Variants in ALCAM observed in about 807,000 individuals in gnomAD.
ALCAM encodes the protein activated leukocyte cell adhesion molecule.
In ALCAM, 30 loss-of-function variants were observed where a neutral mutation model predicts 70.9. The observed-to-expected ratio is 0.42, with a 90% confidence interval of 0.32 to 0.57. ALCAM has a LOEUF of 0.57. Ranked by LOEUF, ALCAM falls within the 20% of genes least tolerant of loss-of-function variation. The pLI is 0.11. For missense variants in ALCAM, 591 were observed against 695.1 expected (o/e 0.85, Z 1.68); for synonymous variants, 249 against 242.5 (o/e 1.03, Z -0.25).
At chr3:105,372,893 A>G (rs952006720) in intron 1 of ALCAM, among the ~76,000 whole-genome samples, 6 of 152,148 alleles carry the variant, frequency 3.9e-5, no homozygotes, top group Admixed American at 6.5e-5. Context: ...TATAAATATT[A>G]TAGACCCTTG....
At chr3:105,445,999 T>G (rs1291545758) in intron 1 of ALCAM, among the ~76,000 whole-genome samples, 5 of 152,110 alleles carry the variant, frequency 3.3e-5, no homozygotes, top group Non-Finnish European at 7.4e-5. Context: ...CTAATGTAAA[T>G]GCTCCTGTAC....
In ALCAM at chr3:105,546,945, A is replaced by C. The variant is rs896980737; in HGVS notation, c.1105-204A>C. 1.2e-4 allele frequency among the ~76,000 whole-genome samples: 18 copies of C among 151,496 alleles called. 1 individual carries two copies. The highest frequency in any genetic ancestry group is 4.3e-4 in the African/African-American group (18 of 41,382). On this transcript the variant is annotated intron_variant, in intron 9 of 15. Transcript: ENST00000306107. ...AAATTATAAATTCAGTAAATGAAAG[A>C]GCGTGAAATAAAAATCTGACATGTC... is the stretch of plus-strand genomic sequence containing the variant.
chr3:105,526,034 C>T (rs1003600116), intron 3 of ALCAM, among the ~76,000 whole-genome samples: 2 of 151,872 alleles, frequency 1.3e-5, no homozygotes, highest in African/African-American at 2.4e-5. Flanking sequence ...TTTTCTAAAG[C>T]GAGTAATCAA....
intron 1 of ALCAM, among the ~76,000 whole-genome samples, chr3:105,482,906 G>C (rs1230685803): frequency 6.6e-6 from 1 of 152,080 alleles, no homozygotes; most frequent in Non-Finnish European, 1.5e-5. Context: ...CCAAGAACAT[G>C]TAAGTAGTCA....
intron 1 of ALCAM, among the ~76,000 whole-genome samples, chr3:105,415,066 C>T (rs1038986917): frequency 2.0e-5 from 3 of 152,068 alleles, no homozygotes; most frequent in African/African-American, 7.2e-5. Context: ...AACAGTGTTT[C>T]GAATGACTTG....
intron 1 of ALCAM, among the ~76,000 whole-genome samples, chr3:105,459,156 A>G (rs992288248): frequency 2.0e-5 from 3 of 152,098 alleles, no homozygotes; most frequent in Non-Finnish European, 2.9e-5. Context: ...GAACTCCTCC[A>G]GAATGCAGAA....
intron 14 of ALCAM, among the ~76,000 whole-genome samples, chr3:105,563,842 C>G (rs1255617517): frequency 1.3e-5 from 2 of 149,294 alleles, no homozygotes; most frequent in East Asian, 1.9e-4. Context: ...CGCCCGCCAC[C>G]GCGCCCGGCT....
At chr3:105,380,171 T>C (rs1935483947) in intron 1 of ALCAM, among the ~76,000 whole-genome samples, 1 of 151,848 alleles carries the variant, frequency 6.6e-6, no homozygotes. Flanking sequence ...CCTTTTTTAT[T>C]TTCTCATATA....
At chr3:105,384,655 A>G (rs184449070) in intron 1 of ALCAM, among the ~76,000 whole-genome samples, 5 of 151,734 alleles carry the variant, frequency 3.3e-5, no homozygotes, top group Admixed American at 3.3e-4. Flanking sequence ...ACCAATATAA[A>G]TACAACACAT....
At chr3:105,459,303 CTT>C (rs765854154) in intron 1 of ALCAM, among the ~76,000 whole-genome samples, 119 of 152,194 alleles carry the variant, frequency 7.8e-4, no homozygotes, top group Non-Finnish European at 1.5e-3. Flanking sequence ...GAGATAGAGA[CTT>C]TGTTTTGGTG....
rs137863967 is a variant in ALCAM, at chr3:105,478,700, A to G, written c.74-41367A>G. On this transcript the variant is annotated intron_variant, in intron 1 of 15. Coordinates refer to ENST00000306107, the MANE Select transcript of ALCAM (RefSeq NM_001627.4). ...CAGTACAATAAGAGCTTTTCTAGTC[A>G]TTACTAAAGGTAAAAACTAAACTCT... Among the ~76,000 whole-genome samples the G allele has an allele frequency of 8.9e-3, 1,358 of 152,296 alleles. 16 individuals are homozygous for G. Among genetic ancestry groups the G allele is most frequent in the African/African-American group, 0.015 (617 of 41,580 alleles).
At chr3:105,470,132 TACAC>T (rs35560211) in intron 1 of ALCAM, among the ~76,000 whole-genome samples, 53 of 145,750 alleles carry the variant, frequency 3.6e-4, no homozygotes, top group Middle Eastern at 3.5e-3. Context: ...GTTATATACA[TACAC>T]ACACACACAC....
At chr3:105,565,425 A>G (rs1244191086) in intron 14 of ALCAM, among the ~76,000 whole-genome samples, 2 of 152,178 alleles carry the variant, frequency 1.3e-5, no homozygotes, top group African/African-American at 2.4e-5. Context: ...CAGTAACCCC[A>G]TACATGAAAT....
intron 2 of ALCAM, among the ~76,000 whole-genome samples, chr3:105,523,840 G>A (rs899590374): frequency 6.6e-6 from 1 of 152,086 alleles, no homozygotes; most frequent in Non-Finnish European, 1.5e-5. Flanking sequence ...TAGAGGTGTG[G>A]ACATTTAAAA....
intron 8 of ALCAM, among the ~76,000 whole-genome samples, chr3:105,542,637 A>G (rs1940147698): frequency 6.6e-6 from 1 of 151,896 alleles, no homozygotes; most frequent in East Asian, 1.9e-4. Context: ...CCCACTGAGT[A>G]TAAAGAGACT....
intron 14 of ALCAM, among the ~76,000 whole-genome samples, chr3:105,564,062 A>AT (rs1471972575): frequency 6.6e-6 from 1 of 151,748 alleles, no homozygotes; most frequent in East Asian, 1.9e-4. Flanking sequence ...ATTGAGATTT[A>AT]TTTTTTGGCC....
intron 14 of ALCAM, among the ~76,000 whole-genome samples, chr3:105,563,565 A>G (rs2152634576): frequency 6.6e-6 from 1 of 151,754 alleles, no homozygotes; most frequent in East Asian, 1.9e-4. Context: ...TGTGTTCCAC[A>G]AATATCGGTA....
intron 1 of ALCAM, among the ~76,000 whole-genome samples, chr3:105,470,826 G>A (rs1937905181): frequency 6.6e-6 from 1 of 151,080 alleles, no homozygotes; most frequent in Non-Finnish European, 1.5e-5. Context: ...AGCCAAGAAG[G>A]GGATTCTCAA....
intron 1 of ALCAM, among the ~76,000 whole-genome samples, chr3:105,469,168 G>A (rs1477312764): frequency 7.4e-5 from 2 of 26,860 alleles, no homozygotes; most frequent in Non-Finnish European, 1.3e-4. Flanking sequence ...CAAGTATTGC[G>A]GGGTTTTTTG....
Sources: allele counts gnomAD v4.1 joint callset (sites outside exome capture counted in the v4.1 genomes callset), GRCh38; gene constraint gnomAD v4.1.1; transcripts MANE v1.5; gene names NCBI Gene and HGNC (gene_info 2026-07-23, HGNC 2026-07-21).